Variants in LIMK2 observed in about 807,000 individuals in gnomAD.
LIMK2 encodes LIM domain kinase 2.
LIMK2 carries 35 observed loss-of-function variants against 75.7 expected under a neutral mutation model. The ratio of observed to expected loss-of-function variants is 0.46; its 90% CI spans 0.35 to 0.61. The LOEUF (loss-of-function observed/expected upper bound fraction) is 0.61. Among genes scored for constraint, LIMK2 ranks in the 20% least tolerant of loss-of-function variants. The pLI is 0.00. For missense variants in LIMK2, 623 were observed against 831.0 expected, an observed-to-expected ratio of 0.75 and a Z score of 3.08; for synonymous variants, 301 against 319.2, an observed-to-expected ratio of 0.94 and a Z score of 0.61.
intron 2 of LIMK2, among the ~76,000 whole-genome samples, chr22:31,253,468 T>C (rs1182575198): frequency 1.3e-5 from 2 of 152,230 alleles, no homozygotes; most frequent in Non-Finnish European, 2.9e-5. Context: ...CTGTGAAGTA[T>C]ATGAAGGAGG....
At chr22:31,270,998 C>T (rs765388562) in intron 11 of LIMK2, 138 bp from the exon 12 acceptor site, 75 of 718,056 alleles carry the variant, frequency 1.0e-4, no homozygotes, top group Non-Finnish European at 1.7e-4. Flanking sequence ...CATAGGAGGC[C>T]CTGGCCCTGT....
Position 31,212,308 on chromosome 22 carries a change from G to T in LIMK2, c.-101G>T. 3 of 1,234,124 alleles carry T rather than the reference G, an allele frequency of 2.4e-6. No homozygotes were observed. Among genetic ancestry groups the T allele is most frequent in the Non-Finnish European group, 3.1e-6 (3 of 963,368 alleles). 76.4% of individuals were successfully genotyped at this position (1,234,124 alleles called of 1,614,324 possible). On this transcript the variant is annotated 5_prime_UTR_variant, in exon 1 of 16. Transcript: ENST00000331728. ...GCGCCTGGGGCTGTGGTCTTCCCGC[G>T]CCTGAGGCGGCGGCGGCAGGAGCTG...
intron 15 of LIMK2, among the ~76,000 whole-genome samples, chr22:31,277,896 T>C (rs751263446): frequency 1.6e-4 from 24 of 152,114 alleles, no homozygotes; most frequent in Non-Finnish European, 3.2e-4. Flanking sequence ...CTCACTGAGG[T>C]GACATGACAT....
chr22:31,255,078 T>C (rs1008163249), intron 2 of LIMK2, among the ~76,000 whole-genome samples: 2 of 152,182 alleles, frequency 1.3e-5, no homozygotes, highest in African/African-American at 2.4e-5. Context: ...TGGTAAATGG[T>C]GGTGCTAAGA....
At chr22:31,233,073 CTT>C (rs2048542740) in intron 2 of LIMK2, among the ~76,000 whole-genome samples, 1 of 152,204 alleles carries the variant, frequency 6.6e-6, no homozygotes, top group South Asian at 2.1e-4. Flanking sequence ...CAGGCTTCAT[CTT>C]ATATGACCTC....
At chr22:31,235,708 A>G (rs1178063122) in intron 2 of LIMK2, among the ~76,000 whole-genome samples, 1 of 152,220 alleles carries the variant, frequency 6.6e-6, no homozygotes, top group Non-Finnish European at 1.5e-5. Flanking sequence ...AAAGATATAT[A>G]TTCAATATAG....
At chr22:31,253,310 G>A (rs905321438) in intron 2 of LIMK2, among the ~76,000 whole-genome samples, 1 of 152,198 alleles carries the variant, frequency 6.6e-6, no homozygotes, top group Admixed American at 6.5e-5. Context: ...TTGAAAGGTA[G>A]AAAAACAGCC....
intron 2 of LIMK2, 65 bp from the exon 3 acceptor site, chr22:31,258,226 G>C: frequency 6.6e-7 from 1 of 1,511,186 alleles, no homozygotes; most frequent in Non-Finnish European, 8.9e-7. Context: ...CTAGGAACCA[G>C]GGACAGCTTA....
At chr22:31,276,918 G>C in intron 15 of LIMK2, 3 of 1,613,536 alleles carry the variant, frequency 1.9e-6, no homozygotes, top group Non-Finnish European at 2.5e-6. Flanking sequence ...TAGAGGAGTG[G>C]ATCCTGGAGC....
intron 9 of LIMK2, 85 bp downstream of exon 9, chr22:31,267,155 C>T (rs2048904393): frequency 1.3e-6 from 1 of 774,076 alleles, no homozygotes; most frequent in African/African-American, 1.8e-5. Context: ...AGAGAAAATA[C>T]AGTTTGGAAT....
chr22:31,278,427 G>A lies in LIMK2; in HGVS notation c.1903G>A (p.Asp635Asn). ...GAGCATGCAGTACGGCCTGACCCGG[G>A]ACTCACCTCCCTAGCCCTGGCCCAG... The part of the protein sequence containing the change: ...TVSMQYGLTR[D>N]SPP Residue 635 changes from aspartate (D) to asparagine (N), a missense_variant, in exon 16 of 16, where the codon GAC (aspartate) becomes AAC (asparagine). Transcript: ENST00000331728. 1 of 1,611,830 alleles carries A rather than the reference G, an allele frequency of 6.2e-7. No homozygotes were observed. Among genetic ancestry groups the A allele is most frequent in the South Asian group, 1.1e-5 (1 of 90,880 alleles).
In LIMK2 at chr22:31,276,796, C is replaced by CA. The variant is rs765284381; in HGVS notation, c.1772+1488_1772+1489insA. 3.1e-6 allele frequency: 5 copies of CA among 1,609,120 alleles called. No homozygotes were observed. The Admixed American group carries it at 5.0e-5, about 16-fold the overall frequency. On this transcript the variant is annotated intron_variant, in intron 15 of 15. Coordinates refer to ENST00000331728, the MANE Select transcript of LIMK2 (RefSeq NM_005569.4). Reference sequence around the variant, plus strand: ...CCACGCATCTACTTTCAGAGCCCCCCCCGGGGCCGCAGGAGAGGGCCCGGG... The same window carrying CA: ...CCACGCATCTACTTTCAGAGCCCCCCACCGGGGCCGCAGGAGAGGGCCCGGG...
chr22:31,276,853 C>G lies in LIMK2; in HGVS notation c.1773-1444C>G, dbSNP rs1024637334. ...GGATGATGAGGGCCCAGTGAGGCGCCAAGGGAAGGTCACCATCAAGTATGA... is the reference window on the plus strand; with the variant it reads ...GGATGATGAGGGCCCAGTGAGGCGCGAAGGGAAGGTCACCATCAAGTATGA... On this transcript the variant is annotated intron_variant, in intron 15 of 15. Transcript: ENST00000331728. 3.1e-6 allele frequency: 5 copies of G among 1,612,032 alleles called. No homozygotes were observed. The African/African-American group carries it at 6.7e-5, about 22-fold the overall frequency.
In LIMK2 at chr22:31,242,868, C is replaced by T. The variant is rs147565415; in HGVS notation, c.117-15423C>T. ...CCAGATACTGAAGTGAGCTTGTTCA[C>T]ATATGTTCTCATTTAATGCTCATAA... On this transcript the variant is annotated intron_variant, in intron 2 of 15. Coordinates refer to ENST00000331728, the MANE Select transcript of LIMK2 (RefSeq NM_005569.4). Among the ~76,000 whole-genome samples the T allele has an allele frequency of 1.7e-3, 252 of 152,334 alleles. 1 individual carries two copies. The highest frequency in any genetic ancestry group is 5.6e-3 in the African/African-American group (232 of 41,576).
intron 2 of LIMK2, 97 bp downstream of exon 2, chr22:31,225,916 G>C: frequency 1.1e-6 from 1 of 931,560 alleles, no homozygotes; most frequent in Non-Finnish European, 1.7e-6. Flanking sequence ...TCTGAGTTGA[G>C]AATTTCAATC....
At position 31,278,425 on chromosome 22, in the gene LIMK2, G is replaced by T. The variant is rs776036059; in HGVS notation, c.1901G>T (p.Arg634Leu). The change falls in exon 16 of 16, where the codon CGG becomes CTG. Residue 634 changes from arginine to leucine, a missense_variant. Physicochemically the swap from Arg to Leu is moderately radical, Grantham distance 102. Transcript: ENST00000331728. ...HTVSMQYGLT[R>L]DSPP ...GTGAGCATGCAGTACGGCCTGACCCGGGACTCACCTCCCTAGCCCTGGCCC... is the reference window on the plus strand; with the variant it reads ...GTGAGCATGCAGTACGGCCTGACCCTGGACTCACCTCCCTAGCCCTGGCCC... The T allele has an allele frequency of 6.2e-7, 1 of 1,611,702 alleles. No homozygotes were observed. Among genetic ancestry groups the T allele is most frequent in the Admixed American group, 1.7e-5 (1 of 59,770 alleles).
chr22:31,277,394 A>G, intron 15 of LIMK2: 1 of 1,242,590 alleles, frequency 8.0e-7, no homozygotes, highest in Non-Finnish European at 1.0e-6. Context: ...AAAGCGAGGT[A>G]GGGTACGCCT....
At position 31,280,061 on chromosome 22, in the gene LIMK2, G is replaced by A. The variant is rs1414889961; in HGVS notation, c.*1620G>A. 1.3e-5 allele frequency: 2 copies of A among 152,252 alleles called. No individual in the cohort carries two copies. Among genetic ancestry groups the A allele is most frequent in the African/African-American group, 4.8e-5 (2 of 41,446 alleles). The allele number at this position is 152,252 out of a possible 1,614,324, so 9.4% of individuals were successfully genotyped here. A position where few individuals can be genotyped will look rare whatever the true frequency, so the allele number is the denominator to read the frequency against. On this transcript the variant is annotated 3_prime_UTR_variant, in exon 16 of 16. Transcript: ENST00000331728. Reference sequence around the variant, plus strand: ...CCATTGATCAGACTAAATAAATTAAGCAGTTAACATAACTGGCAATATGGA... The same window carrying A: ...CCATTGATCAGACTAAATAAATTAAACAGTTAACATAACTGGCAATATGGA...
rs375786681 is a variant in LIMK2 at position 31,258,341 on chromosome 22, G to A, written c.167G>A (p.Gly56Glu). 1 of 1,613,554 alleles carries A rather than the reference G, an allele frequency of 6.2e-7. No individual in the cohort carries two copies. The highest frequency in any genetic ancestry group is 8.5e-7 in the Non-Finnish European group (1 of 1,179,686). Reference protein sequence around the residue: ...SLTNWYYEKDGKLYCPKDYWG... With the variant: ...SLTNWYYEKDEKLYCPKDYWG... The stretch of plus-strand genomic sequence containing the variant: ...ACCAACTGGTACTATGAGAAGGATG[G>A]GAAGCTCTACTGCCCCAAGGACTAC... The change falls in exon 3 of 16, where the codon GGG becomes GAG. Residue 56 changes from glycine to glutamate, a missense_variant. Around this residue, in one of 3 missense-constraint regions of LIMK2, gnomAD observed 514 missense variants for 661.3 expected, o/e 0.78. Transcript: ENST00000331728.
Sources: allele counts gnomAD v4.1 joint callset (sites outside exome capture counted in the v4.1 genomes callset), GRCh38; gene constraint gnomAD v4.1.1; regional missense constraint gnomAD v4.1.1; transcripts MANE v1.5; gene names NCBI Gene and HGNC (gene_info 2026-07-23, HGNC 2026-07-21).